Variants in MAN2A1 observed in about 807,000 individuals in gnomAD.
MAN2A1 encodes the protein mannosidase alpha class 2A member 1.
In MAN2A1, 76 loss-of-function variants were observed where a neutral mutation model predicts 142.6. The ratio of observed to expected loss-of-function variants is 0.53; its 90% CI spans 0.44 to 0.65. The LOEUF is 0.65. Among genes scored for constraint, MAN2A1 ranks in the 30% least tolerant of loss-of-function variants. The pLI, the probability that MAN2A1 is intolerant of heterozygous loss-of-function variation, is 0.00. For synonymous variants in MAN2A1, 559 were observed against 473.2 expected (o/e 1.18, Z -2.35); for missense variants, 1,311 against 1,365.1 (o/e 0.96, Z 0.62).
chr5:109,755,929 C>T (rs1443203327), intron 5 of MAN2A1, among the ~76,000 whole-genome samples: 1 of 151,910 alleles, frequency 6.6e-6, no homozygotes, highest in Admixed American at 6.6e-5. Flanking sequence ...TGCTGGGTTT[C>T]TTCACAAGGT....
At chr5:109,693,813 G>T (rs925107032) in intron 1 of MAN2A1, among the ~76,000 whole-genome samples, 24 of 152,096 alleles carry the variant, frequency 1.6e-4, no homozygotes, top group Non-Finnish European at 1.9e-4. Flanking sequence ...AGGCAACAGG[G>T]GGCCTAATCT....
intron 4 of MAN2A1, among the ~76,000 whole-genome samples, chr5:109,746,033 A>G (rs980563257): frequency 6.6e-6 from 1 of 152,156 alleles, no homozygotes; most frequent in East Asian, 1.9e-4. Context: ...TGAGTGCAGT[A>G]TTGCAGTCTT....
chr5:109,711,167 A>G (rs1751289835), intron 1 of MAN2A1, among the ~76,000 whole-genome samples: 1 of 152,184 alleles, frequency 6.6e-6, no homozygotes, highest in South Asian at 2.1e-4. Flanking sequence ...ATGGCATTTT[A>G]GATTAAGGTA....
At chr5:109,697,904 C>G (rs1038397128) in intron 1 of MAN2A1, among the ~76,000 whole-genome samples, 1 of 152,162 alleles carries the variant, frequency 6.6e-6, no homozygotes, top group African/African-American at 2.4e-5. Context: ...CTTGTGTTAT[C>G]TACATGTTTC....
intron 19 of MAN2A1, among the ~76,000 whole-genome samples, chr5:109,853,023 T>C (rs1380462376): frequency 6.6e-6 from 1 of 152,194 alleles, no homozygotes; most frequent in Non-Finnish European, 1.5e-5. Context: ...TTCTATAAAC[T>C]TCCTTATCTT....
chr5:109,834,868 A>T lies in MAN2A1; in HGVS notation c.2567-7460A>T, dbSNP rs144760121. On this transcript the variant is annotated intron_variant, in intron 16 of 21. Transcript: ENST00000261483. ...GGCAGTGACTCAGACGATAAATTAGATCTTATAATGAATGGTAAATTGAGT... is the reference window on the plus strand; with the variant it reads ...GGCAGTGACTCAGACGATAAATTAGTTCTTATAATGAATGGTAAATTGAGT... Among the ~76,000 whole-genome samples, 14 of 152,290 alleles carry T rather than the reference A, an allele frequency of 9.2e-5. No homozygotes were observed. The East Asian group carries it at 2.3e-3, about 25-fold the overall frequency.
intron 12 of MAN2A1, among the ~76,000 whole-genome samples, chr5:109,795,311 A>G (rs1196548775): frequency 6.6e-6 from 1 of 152,172 alleles, no homozygotes; most frequent in African/African-American, 2.4e-5. Context: ...TATGTATTTT[A>G]TGACATCAGG....
rs756518152 is a variant in MAN2A1, at chr5:109,817,368, G to C, written c.2039G>C (p.Gly680Ala). Residue 680 changes from glycine (G) to alanine (A), a missense_variant, in exon 13 of 22, where the codon GGA (glycine) becomes GCA (alanine). By Grantham distance (60) the Gly-to-Ala change is moderately conservative (BLOSUM62 0). Coordinates refer to ENST00000261483, the MANE Select transcript of MAN2A1 (RefSeq NM_002372.4). The part of the protein sequence containing the change: ...SPTVQVFSAS[G>A]KPVEVQVSAV... ...ACAGTGCAAGTGTTCTCTGCTTCAG[G>C]AAAACCTGTGGAAGTTCAAGTCAGC... 23 of 1,613,968 alleles carry C rather than the reference G, an allele frequency of 1.4e-5. No individual in the cohort carries two copies. In the South Asian group the frequency reaches 1.4e-4, roughly 10 times the overall value.
intron 20 of MAN2A1, among the ~76,000 whole-genome samples, chr5:109,860,656 A>G (rs903136737): frequency 2.0e-5 from 3 of 152,216 alleles, no homozygotes; most frequent in Non-Finnish European, 4.4e-5. Flanking sequence ...GAGGAATGAC[A>G]TAACTCACAT....
intron 3 of MAN2A1, among the ~76,000 whole-genome samples, chr5:109,724,565 T>A (rs2112576798): frequency 6.6e-6 from 1 of 152,346 alleles, no homozygotes; most frequent in South Asian, 2.1e-4. Context: ...TTATTACCAA[T>A]GTATTATTTA....
At chr5:109,690,945 G>C (rs1019452347) in intron 1 of MAN2A1, among the ~76,000 whole-genome samples, 1 of 152,144 alleles carries the variant, frequency 6.6e-6, no homozygotes, top group African/African-American at 2.4e-5. Flanking sequence ...GGGTTAAGCC[G>C]CCCGCACCAG....
intron 16 of MAN2A1, among the ~76,000 whole-genome samples, chr5:109,841,983 G>A (rs1057060601): frequency 1.3e-5 from 2 of 152,274 alleles, no homozygotes; most frequent in Non-Finnish European, 2.9e-5. Context: ...CAGATGAGAA[G>A]TGGACTGGCC....
Position 109,755,413 on chromosome 5 carries a change from T to C in MAN2A1, c.792T>C (p.Ile264=). Residue 264 remains isoleucine (I), a synonymous_variant, in exon 5 of 22, where the codon ATT becomes ATC. Coordinates refer to ENST00000261483, the MANE Select transcript of MAN2A1 (RefSeq NM_002372.4). ...DEATPHYFAL[I]DQLIEGHQWL... ...CTACTCCACATTATTTTGCCTTAAT[T>C]GATCAACTAATTGAAGGACATCAGT... 1 of 1,611,370 alleles carries C rather than the reference T, an allele frequency of 6.2e-7. No homozygotes were observed. The highest frequency in any genetic ancestry group is 8.5e-7 in the Non-Finnish European group (1 of 1,177,526).
chr5:109,710,970 G>A (rs570891799), intron 1 of MAN2A1, among the ~76,000 whole-genome samples: 1 of 152,080 alleles, frequency 6.6e-6, no homozygotes, highest in South Asian at 2.1e-4. Flanking sequence ...GATTACAGGC[G>A]TGAGCCACCG....
Position 109,842,806 on chromosome 5 carries a change from GT to G in MAN2A1, c.2700+362del, listed in dbSNP as rs768238978. On this transcript the variant is annotated intron_variant, in intron 17 of 21. Transcript: ENST00000261483. ...GGGATTGATGGATTATACTTATTGG[GT>G]TTTTTTTTTTTTTTTTGAGAAAGAG... Among the ~76,000 whole-genome samples the G allele has an allele frequency of 5.3e-3, 621 of 116,166 alleles. 14 individuals carry two copies. The highest frequency in any genetic ancestry group is 0.017 in the African/African-American group (524 of 30,762). The allele number at this position is 116,166 out of a possible 152,430, so 76.2% of individuals were successfully genotyped here.
At chr5:109,864,833 T>C in intron 20 of MAN2A1, 8 of 548,588 alleles carry the variant, frequency 1.5e-5, no homozygotes, top group Non-Finnish European at 2.0e-5. Context: ...TAGAACATAA[T>C]CTTACCTGGC....
rs192697677 is a variant in MAN2A1 at position 109,824,359 on chromosome 5, C to T, written c.2566+522C>T. Among the ~76,000 whole-genome samples, 469 of 152,194 alleles carry T rather than the reference C, an allele frequency of 3.1e-3. 1 individual carries two copies. Among genetic ancestry groups the T allele is most frequent in the Non-Finnish European group, 5.6e-3 (381 of 67,994 alleles). On this transcript the variant is annotated intron_variant, in intron 16 of 21. Coordinates refer to ENST00000261483, the MANE Select transcript of MAN2A1 (RefSeq NM_002372.4). ...CAGTATTGAGCAGCATCTTTATGAA[C>T]CCAAGTGATAGGAAATAGGCTTTTG...
intron 3 of MAN2A1, among the ~76,000 whole-genome samples, chr5:109,718,344 C>G (rs1039970298): frequency 6.6e-6 from 1 of 152,190 alleles, no homozygotes; most frequent in African/African-American, 2.4e-5. Context: ...TTATTCCATA[C>G]ATGGGCACTT....
chr5:109,806,279 A>G (rs1208051386), intron 12 of MAN2A1, among the ~76,000 whole-genome samples: 1 of 152,140 alleles, frequency 6.6e-6, no homozygotes, highest in African/African-American at 2.4e-5. Flanking sequence ...TTGAGTTTGA[A>G]TCCTGGCTGT....
Sources: gnomAD v4.1 joint callset for allele counts (sites outside exome capture counted in the v4.1 genomes callset) on GRCh38, gnomAD v4.1.1 for gene constraint, MANE v1.5 for transcripts, NCBI Gene and HGNC (gene_info 2026-07-23, HGNC 2026-07-21) for gene names.